The following REDIC1 variants were observed in gnomAD, a reference collection of about 807,000 sequenced individuals.
The protein encoded by REDIC1 is regulator of DNA class I crossover intermediates 1.
At chr12:39,700,961 G>A in the REDIC1 span, among the ~76,000 whole-genome samples, 42 of 151,884 alleles carry the variant, frequency 2.8e-4, no homozygotes, top group South Asian at 2.1e-4. Flanking sequence ...AGGAACAACC[G>A]GTACCAGCCA....
At chr12:39,698,176 G>A in the REDIC1 span, among the ~76,000 whole-genome samples, 2 of 152,084 alleles carry the variant, frequency 1.3e-5, no homozygotes, top group African/African-American at 2.4e-5. Flanking sequence ...AATTCCTGAT[G>A]CAACCTAATG....
At chr12:39,873,830 C>G in the REDIC1 span, among the ~76,000 whole-genome samples, 14 of 152,272 alleles carry the variant, frequency 9.2e-5, no homozygotes, top group East Asian at 2.7e-3. Context: ...GTTATAGAGT[C>G]AGAATGTAAC....
At chr12:39,803,923 A>G in the REDIC1 span, among the ~76,000 whole-genome samples, 3 of 152,178 alleles carry the variant, frequency 2.0e-5, no homozygotes, top group Non-Finnish European at 4.4e-5. Flanking sequence ...TTACACCTCT[A>G]TCAAGATACA....
chr12:39,658,021 T>A, the REDIC1 span, among the ~76,000 whole-genome samples: 1 of 152,130 alleles, frequency 6.6e-6, no homozygotes, highest in Non-Finnish European at 1.5e-5. Context: ...CTCTACTAAC[T>A]GCTGTTTTTG....
the REDIC1 span, among the ~76,000 whole-genome samples, chr12:39,844,583 G>GA: frequency 6.6e-6 from 1 of 151,872 alleles, no homozygotes; most frequent in African/African-American, 2.4e-5. Flanking sequence ...AATTAATCAA[G>GA]AAAGTGAGGT....
At chr12:39,861,878 T>C in the REDIC1 span, among the ~76,000 whole-genome samples, 42 of 152,316 alleles carry the variant, frequency 2.8e-4, no homozygotes, top group Middle Eastern at 6.8e-3. Context: ...TTTTTTTAAA[T>C]TTAATTTTAA....
the REDIC1 span, among the ~76,000 whole-genome samples, chr12:39,639,308 T>C: frequency 1.8e-4 from 27 of 151,966 alleles, no homozygotes; most frequent in Non-Finnish European, 3.5e-4. Context: ...AATTAAGACA[T>C]AGCTAATGAG....
At chr12:39,808,904 CAATTTT>C in the REDIC1 span, among the ~76,000 whole-genome samples, 1 of 152,014 alleles carries the variant, frequency 6.6e-6, no homozygotes, top group African/African-American at 2.4e-5. Flanking sequence ...AAAGAGTAGA[CAATTTT>C]AATTTTAATG....
chr12:39,771,827 C>G, the REDIC1 span, among the ~76,000 whole-genome samples: 9 of 152,108 alleles, frequency 5.9e-5, no homozygotes, highest in African/African-American at 2.2e-4. Context: ...GTGGCTGCAG[C>G]CTACCTTATC....
chr12:39,896,201 T>C, the REDIC1 span, among the ~76,000 whole-genome samples: 6 of 148,580 alleles, frequency 4.0e-5, no homozygotes, highest in Non-Finnish European at 7.5e-5. Context: ...TATGTGTATG[T>C]ATACATGTAT....
the REDIC1 span, chr12:39,641,098 T>G: frequency 1.5e-5 from 13 of 894,114 alleles, no homozygotes; most frequent in Non-Finnish European, 2.1e-5. Flanking sequence ...GGAGGCCATC[T>G]TCCTTTGGTC....
At chr12:39,660,278 C>G in the REDIC1 span, among the ~76,000 whole-genome samples, 1 of 152,120 alleles carries the variant, frequency 6.6e-6, no homozygotes, top group African/African-American at 2.4e-5. Flanking sequence ...GAACTCTATC[C>G]TCTGCAATCT....
At chr12:39,717,738 G>A in the REDIC1 span, among the ~76,000 whole-genome samples, 1 of 152,030 alleles carries the variant, frequency 6.6e-6, no homozygotes, top group East Asian at 1.9e-4. Flanking sequence ...ATCATAGAAA[G>A]GTCTATGTCG....
the REDIC1 span, among the ~76,000 whole-genome samples, chr12:39,712,997 GTATA>G: frequency 7.2e-6 from 1 of 139,324 alleles, no homozygotes. Context: ...GTATATACGT[GTATA>G]TGTATATATA....
At chr12:39,722,740 A>G in the REDIC1 span, among the ~76,000 whole-genome samples, 1 of 152,194 alleles carries the variant, frequency 6.6e-6, no homozygotes, top group Admixed American at 6.6e-5. Flanking sequence ...CTTTAAAAAA[A>G]TGCAGTGACC....
chr12:39,711,248 G>A, the REDIC1 span, among the ~76,000 whole-genome samples: 1 of 148,482 alleles, frequency 6.7e-6, no homozygotes, highest in Non-Finnish European at 1.5e-5. Flanking sequence ...TATGTGATGT[G>A]TATATATATA....
the REDIC1 span, among the ~76,000 whole-genome samples, chr12:39,710,936 AT>A: frequency 6.6e-6 from 1 of 150,458 alleles, no homozygotes; most frequent in African/African-American, 2.4e-5. Flanking sequence ...TAAAGGTGGT[AT>A]TTCCTCACAT....
At chr12:39,862,071 T>A in the REDIC1 span, among the ~76,000 whole-genome samples, 1 of 152,146 alleles carries the variant, frequency 6.6e-6, no homozygotes, top group East Asian at 1.9e-4. Context: ...TGTAGTTAGT[T>A]CCCTTCCTTG....
chr12:39,663,903 T>A, the REDIC1 span, among the ~76,000 whole-genome samples: 1 of 152,136 alleles, frequency 6.6e-6, no homozygotes, highest in Non-Finnish European at 1.5e-5. Flanking sequence ...GGAAATGTTT[T>A]TATTTCTCTT....
Sources: allele counts gnomAD v4.1 joint callset (sites outside exome capture counted in the v4.1 genomes callset), GRCh38; gene constraint gnomAD v4.1.1; transcripts MANE v1.5; gene names NCBI Gene and HGNC (gene_info 2026-07-23, HGNC 2026-07-21).